Variants in ARNT observed in about 807,000 individuals in gnomAD.
ARNT encodes the protein aryl hydrocarbon receptor nuclear translocator.
ARNT carries 30 observed loss-of-function variants against 105.0 expected under a neutral mutation model. The ratio of observed to expected loss-of-function variants is 0.29; its 90% CI spans 0.21 to 0.39. ARNT has a LOEUF of 0.39. ARNT is among the 10% of genes least tolerant of loss of function. The pLI, the probability that ARNT is intolerant of heterozygous loss-of-function variation, is 1.00. For synonymous variants in ARNT, 304 were observed against 344.0 expected, an observed-to-expected ratio of 0.88 and a Z score of 1.29; for missense variants, 748 against 978.7, an observed-to-expected ratio of 0.76 and a Z score of 3.15.
chr1:150,835,818 AGATACAAACAACAAC>A (rs1038045005), intron 7 of ARNT, among the ~76,000 whole-genome samples: 132 of 66,438 alleles, frequency 2.0e-3, no homozygotes, highest in Non-Finnish European at 7.8e-4. Flanking sequence ...ACAACAGTAC[AGATACAAACAACAAC>A]AACAACAACA....
chr1:150,816,546 G>T, intron 18 of ARNT, 140 bp from the exon 19 acceptor site: 4 of 1,116,236 alleles, frequency 3.6e-6, no homozygotes, highest in South Asian at 1.7e-5. Flanking sequence ...ATTTGGAAAA[G>T]ACAAGAAAGA....
intron 1 of ARNT, among the ~76,000 whole-genome samples, chr1:150,863,810 C>T (rs937351981): frequency 6.6e-6 from 1 of 150,516 alleles, no homozygotes; most frequent in Admixed American, 6.6e-5. Flanking sequence ...AGCAAAACTC[C>T]GTCTCAAAAA....
Position 150,829,164 on chromosome 1 carries a change from G to A in ARNT, c.1096C>T (p.Arg366Ter). The A allele has an allele frequency of 1.9e-6, 3 of 1,614,116 alleles. No individual in the cohort carries two copies. The highest frequency in any genetic ancestry group is 2.5e-6 in the Non-Finnish European group (3 of 1,180,002). ...NVCQPTEFIS[R>*]HNIEGIFTFV... The stretch of plus-strand genomic sequence containing the variant: ...GTGAAGATACCCTCAATGTTGTGTC[G>A]GGAGATGAACTCTGTTGGTTGACAA... Residue 366 changes from arginine to a stop codon, truncating the protein, a stop_gained, in exon 12 of 22, where the codon CGA becomes TGA. Transcript: ENST00000358595. LOFTEE classifies it high-confidence loss of function.
At position 150,829,967 on chromosome 1, in the gene ARNT, T is replaced by C. The variant is rs766058627; in HGVS notation, c.969A>G (p.Pro323=). ...KAWPPAGVSL[P]DDDPEAGQGS... ...CCTGGCCAGCCTCTGGGTCATCATC[T>C]GGGAGGGAAACACCTTCAGAAACGT... Residue 323 remains proline (P), a synonymous_variant, in exon 11 of 22, where the codon CCA becomes CCG. Transcript: ENST00000358595. 101 of 1,614,212 alleles carry C rather than the reference T, an allele frequency of 6.3e-5. No homozygotes were observed. Among genetic ancestry groups the C allele is most frequent in the South Asian group, 1.4e-4 (13 of 91,082 alleles).
chr1:150,816,118 C>G, intron 19 of ARNT, 141 bp downstream of exon 19: 1 of 1,097,494 alleles, frequency 9.1e-7, no homozygotes, highest in East Asian at 2.9e-5. Flanking sequence ...TAGCTACTCT[C>G]AACAAAGATG....
rs1654438165 is a variant in ARNT at position 150,809,991 on chromosome 1, T to C, written c.*2030A>G. ...AGACACAATGTGCCTTATGTTTGTATGTCTGGAGCTTAAACTATAGATTCC... is the reference window on the plus strand; with the variant it reads ...AGACACAATGTGCCTTATGTTTGTACGTCTGGAGCTTAAACTATAGATTCC... On this transcript the variant is annotated 3_prime_UTR_variant, in exon 22 of 22. Coordinates refer to ENST00000358595, the MANE Select transcript of ARNT (RefSeq NM_001668.4). 4.4e-6 allele frequency: 1 copy of C among 227,816 alleles called. No individual in the cohort carries two copies. Among genetic ancestry groups the C allele is most frequent in the South Asian group, 1.8e-4 (1 of 5,478 alleles). The allele number at this position is 227,816 out of a possible 1,614,324, so 14.1% of individuals were successfully genotyped here.
intron 7 of ARNT, among the ~76,000 whole-genome samples, chr1:150,836,011 A>T (rs1265619458): frequency 6.6e-6 from 1 of 152,194 alleles, no homozygotes; most frequent in Admixed American, 6.5e-5. Context: ...GAAAAAAAAA[A>T]GTATTGTAGG....
chr1:150,816,673 C>A (rs972232712), intron 18 of ARNT, 115 bp downstream of exon 18: 3 of 1,280,130 alleles, frequency 2.3e-6, no homozygotes, highest in Admixed American at 5.7e-5. Context: ...CTAGGCCCTA[C>A]AAGCTTCACT....
At position 150,813,196 on chromosome 1, in the gene ARNT, T is replaced by C. The variant is rs587623384; in HGVS notation, c.2256A>G (p.Gln752=). The change falls in exon 21 of 22, where the codon CAA becomes CAG. Residue 752 remains glutamine (Q), a synonymous_variant. Coordinates refer to ENST00000358595, the MANE Select transcript of ARNT (RefSeq NM_001668.4). ...CCTGGAAGACCTCAGGCTGGCCAGG[T>C]TGCTGTGCTGGCGGTTGTTGAACAT... is the stretch of plus-strand genomic sequence containing the variant. ...EQHVQQPPAQ[Q]PGQPEVFQEM... The C allele has an allele frequency of 6.2e-6, 10 of 1,613,574 alleles. No individual in the cohort carries two copies. The highest frequency in any genetic ancestry group is 1.7e-5 in the Admixed American group (1 of 59,892).
intron 1 of ARNT, among the ~76,000 whole-genome samples, chr1:150,860,326 G>A (rs587694027): frequency 6.8e-6 from 1 of 147,104 alleles, no homozygotes; most frequent in South Asian, 2.2e-4. Flanking sequence ...AGTGATTCTC[G>A]AGCCTCAGCC....
In ARNT at chr1:150,812,038, G is replaced by A. The variant is rs1186786449; in HGVS notation, c.2353C>T (p.Pro785Ser). 7 of 1,564,522 alleles carry A rather than the reference G, an allele frequency of 4.5e-6. No homozygotes were observed. Among genetic ancestry groups the A allele is most frequent in the Non-Finnish European group, 6.1e-6 (7 of 1,151,670 alleles). The part of the protein sequence containing the change: ...NEEFPDLTMF[P>S]PFSE Reference sequence around the variant, plus strand: ...CAATAGTTCTATTCTGAAAAGGGGGGAAACATAGTTAGATCAGGGAATTCT... The same window carrying A: ...CAATAGTTCTATTCTGAAAAGGGGGAAAACATAGTTAGATCAGGGAATTCT... The change falls in exon 22 of 22, where the codon CCC becomes TCC. Residue 785 changes from proline to serine, a missense_variant. This residue lies in a region of ARNT where 360 missense variants were observed against 411.9 expected (regional missense o/e 0.87). Transcript: ENST00000358595.
chr1:150,816,495 A>T, intron 18 of ARNT, 89 bp from the exon 19 acceptor site: 1 of 1,452,422 alleles, frequency 6.9e-7, no homozygotes, highest in Non-Finnish European at 9.2e-7. Context: ...CTATCCCTAG[A>T]TCCCCTTGAC....
intron 12 of ARNT, among the ~76,000 whole-genome samples, chr1:150,826,867 G>A (rs1033077415): frequency 2.6e-5 from 4 of 151,588 alleles, no homozygotes; most frequent in African/African-American, 7.3e-5. Flanking sequence ...GGCTGGTCTC[G>A]AACTCCTGAC....
chr1:150,829,924 C>G lies in ARNT; in HGVS notation c.1012G>C (p.Val338Leu), dbSNP rs1247955135. 2 of 1,614,214 alleles carry G rather than the reference C, an allele frequency of 1.2e-6. No homozygotes were observed. Among genetic ancestry groups the G allele is most frequent in the East Asian group, 4.5e-5 (2 of 44,894 alleles). Reference sequence around the variant, plus strand: ...CTTGCCTGCAATCTGCCAATGGCCACTAGGCAAAACTTGCTTCCCTGGCCA... The same window carrying G: ...CTTGCCTGCAATCTGCCAATGGCCAGTAGGCAAAACTTGCTTCCCTGGCCA... ...EAGQGSKFCL[V>L]AIGRLQVTSS... The change falls in exon 11 of 22, where the codon GTG (valine) becomes CTG (leucine). Residue 338 changes from valine to leucine, a missense_variant. Transcript: ENST00000358595.
intron 1 of ARNT, among the ~76,000 whole-genome samples, chr1:150,872,154 C>T (rs587618780): frequency 7.9e-5 from 12 of 152,054 alleles, no homozygotes; most frequent in Non-Finnish European, 1.0e-4. Context: ...AAAGGGGTTT[C>T]GTCACGTTGT....
At chr1:150,839,407 T>C in intron 6 of ARNT, 34 bp downstream of exon 6, 1 of 1,607,220 alleles carries the variant, frequency 6.2e-7, no homozygotes, top group Non-Finnish European at 8.5e-7. Flanking sequence ...TCACCCAGAT[T>C]CCAGACTCTC....
At chr1:150,826,246 G>A (rs587652965) in intron 13 of ARNT, among the ~76,000 whole-genome samples, 78 of 152,280 alleles carry the variant, frequency 5.1e-4, no homozygotes, top group Non-Finnish European at 4.6e-4. Context: ...AGCATCTACA[G>A]AGGTTGGGCG....
chr1:150,857,426 GCTT>G (rs1162444938), intron 2 of ARNT, among the ~76,000 whole-genome samples: 1 of 152,096 alleles, frequency 6.6e-6, no homozygotes, highest in South Asian at 2.1e-4. Context: ...TACTTATTCA[GCTT>G]ATGCTTCAGC....
intron 20 of ARNT, 127 bp downstream of exon 20, chr1:150,813,950 T>C (rs1231554726): frequency 1.6e-6 from 2 of 1,283,344 alleles, no homozygotes; most frequent in East Asian, 2.3e-5. Context: ...TCTAAATAGA[T>C]TGTCACCTTG....
Sources: gnomAD v4.1 joint callset for allele counts (sites outside exome capture counted in the v4.1 genomes callset) on GRCh38, gnomAD v4.1.1 for gene constraint, gnomAD v4.1.1 regional missense constraint, MANE v1.5 for transcripts, NCBI Gene and HGNC (gene_info 2026-07-23, HGNC 2026-07-21) for gene names.